The following SGK1 variants were observed in gnomAD, a reference collection of about 807,000 sequenced individuals.
SGK1 encodes serum/glucocorticoid regulated kinase 1, also known as serine/threonine-protein kinase Sgk1.
Under a neutral mutation model 64.2 loss-of-function variants are expected in SGK1, and 26 were observed. The observed-to-expected ratio is 0.40, with a 90% confidence interval of 0.30 to 0.56. The LOEUF (loss-of-function observed/expected upper bound fraction) is 0.56, where lower values mean the gene tolerates loss of function less well. Ranked by LOEUF, SGK1 falls within the 20% of genes least tolerant of loss-of-function variation. The pLI is 0.38. For missense variants in SGK1, 519 were observed against 645.6 expected (o/e 0.80, Z 2.12); for synonymous variants, 265 against 239.7 (o/e 1.11, Z -0.98).
chr6:134,312,120 A>T (rs1281336033), intron 1 of SGK1, among the ~76,000 whole-genome samples: 1 of 152,172 alleles, frequency 6.6e-6, no homozygotes, highest in African/African-American at 2.4e-5. Context: ...GAACTACCTG[A>T]ATTTGAATTC....
intron 2 of SGK1, among the ~76,000 whole-genome samples, chr6:134,220,107 AAC>A (rs1479524291): frequency 2.7e-5 from 4 of 150,276 alleles, no homozygotes; most frequent in African/African-American, 9.8e-5. Flanking sequence ...AGAAAAGAAA[AAC>A]ACATATAATT....
intron 1 of SGK1, among the ~76,000 whole-genome samples, chr6:134,303,908 G>A (rs1468146707): frequency 1.3e-5 from 2 of 152,114 alleles, no homozygotes; most frequent in African/African-American, 2.4e-5. Context: ...GCCCAATGAC[G>A]TTTTGTTTTG....
At chr6:134,294,436 T>C (rs980774641) in intron 1 of SGK1, among the ~76,000 whole-genome samples, 1 of 152,202 alleles carries the variant, frequency 6.6e-6, no homozygotes, top group African/African-American at 2.4e-5. Context: ...ACCATTCTAC[T>C]TTCTGTCTAT....
At chr6:134,246,655 T>C (rs1419502465) in intron 2 of SGK1, among the ~76,000 whole-genome samples, 6 of 151,362 alleles carry the variant, frequency 4.0e-5, no homozygotes, top group African/African-American at 1.2e-4. Context: ...TGCAGTGGTG[T>C]GATCTCGGCT....
chr6:134,269,518 C>T (rs1382708077), intron 1 of SGK1, among the ~76,000 whole-genome samples: 1 of 146,870 alleles, frequency 6.8e-6, no homozygotes, highest in African/African-American at 2.4e-5. Context: ...AATTAGCCAC[C>T]ATGGTGGCGT....
intron 2 of SGK1, among the ~76,000 whole-genome samples, chr6:134,209,034 AGTGGTT>A (rs2114687778): frequency 6.6e-6 from 1 of 152,172 alleles, no homozygotes; most frequent in South Asian, 2.1e-4. Flanking sequence ...TGTTTTCCAT[AGTGGTT>A]GTACTCAGAT....
At chr6:134,288,154 G>A (rs1201584949) in intron 1 of SGK1, among the ~76,000 whole-genome samples, 1 of 152,150 alleles carries the variant, frequency 6.6e-6, no homozygotes, top group South Asian at 2.1e-4. Context: ...ATTAAGTTTA[G>A]CCTAAGCTAA....
intron 2 of SGK1, among the ~76,000 whole-genome samples, chr6:134,213,218 A>G (rs992310846): frequency 6.6e-6 from 1 of 152,076 alleles, no homozygotes; most frequent in African/African-American, 2.4e-5. Context: ...AAGCGAGAAA[A>G]TTTATTATCA....
At chr6:134,262,585 G>A (rs752283393) in intron 1 of SGK1, among the ~76,000 whole-genome samples, 8 of 151,802 alleles carry the variant, frequency 5.3e-5, no homozygotes, top group East Asian at 3.9e-4. Context: ...GGTGGTACAC[G>A]CCTATAATCT....
intron 2 of SGK1, among the ~76,000 whole-genome samples, chr6:134,243,775 T>C (rs1776484311): frequency 6.6e-6 from 1 of 152,212 alleles, no homozygotes; most frequent in Non-Finnish European, 1.5e-5. Flanking sequence ...CTGCCTGACT[T>C]ATTCCCAGGA....
chr6:134,172,238 G>A lies in SGK1; in HGVS notation c.1026C>T (p.Asn342=), dbSNP rs778834609. 9 of 1,614,196 alleles carry A rather than the reference G, an allele frequency of 5.6e-6. No homozygotes were observed. The highest frequency in any genetic ancestry group is 7.6e-6 in the Non-Finnish European group (9 of 1,180,010). ...VLTDFGLCKE[N]IEHNSTTSTF... is the part of the protein sequence containing the mutation. ...TGGATGTTGTGCTGTTGTGTTCAAT[G>A]TTCTCCTTGCAGAGTCCGAAGTCAG... is the stretch of plus-strand genomic sequence containing the variant. Residue 342 remains asparagine, a synonymous_variant, in exon 10 of 14, where the codon AAC becomes AAT. Coordinates refer to ENST00000367858, the MANE Select transcript of SGK1 (RefSeq NM_001143676.3).
intron 3 of SGK1, among the ~76,000 whole-genome samples, chr6:134,200,835 C>T (rs1775668513): frequency 6.6e-6 from 1 of 151,990 alleles, no homozygotes; most frequent in Non-Finnish European, 1.5e-5. Context: ...GCCCAGTAGG[C>T]TGAGGCTACA....
chr6:134,190,003 C>T (rs953758759), intron 3 of SGK1, among the ~76,000 whole-genome samples: 2 of 152,106 alleles, frequency 1.3e-5, no homozygotes, highest in African/African-American at 4.8e-5. Flanking sequence ...GCACGCGCCA[C>T]CATGCCCGGC....
intron 3 of SGK1, among the ~76,000 whole-genome samples, chr6:134,193,017 A>G (rs1775539438): frequency 6.6e-6 from 1 of 152,216 alleles, no homozygotes. Context: ...TTCAGATGTT[A>G]AAAATTGTGT....
Position 134,197,445 on chromosome 6 carries a change from C to G in SGK1, c.361+9911G>C, listed in dbSNP as rs565213880. Among the ~76,000 whole-genome samples the G allele has an allele frequency of 5.3e-5, 8 of 152,036 alleles. No homozygotes were observed. In the East Asian group the frequency reaches 1.5e-3, roughly 29 times the overall value. ...ATTTGATGGCATAAAAAGTTATGAC[C>G]AGCCATCTGTAGTTCAGTTAATAGG... On this transcript the variant is annotated intron_variant, in intron 3 of 13. Coordinates refer to ENST00000367858, the MANE Select transcript of SGK1 (RefSeq NM_001143676.3).
Position 134,171,046 on chromosome 6 carries a change from G to A in SGK1, c.1300C>T (p.Arg434Trp), listed in dbSNP as rs770948952. 2 of 1,613,980 alleles carry A rather than the reference G, an allele frequency of 1.2e-6. No individual in the cohort carries two copies. The highest frequency in any genetic ancestry group is 1.1e-5 in the South Asian group (1 of 91,086). Residue 434 changes from arginine to tryptophan, a missense_variant, in exon 12 of 14, where the codon CGG (arginine) becomes TGG (tryptophan). By Grantham distance (101) the Arg-to-Trp change is moderately radical. Coordinates refer to ENST00000367858, the MANE Select transcript of SGK1 (RefSeq NM_001143676.3). ...ACGAAGTCATCCTTGGCCCCGAGCC[G>A]CTTTGTCCTGTCCTTCTGCAGGAGG... ...EGLLQKDRTK[R>W]LGAKDDFMEI...
chr6:134,295,563 G>A (rs144017560), intron 1 of SGK1, among the ~76,000 whole-genome samples: 1,778 of 152,320 alleles, frequency 0.012, 34 homozygotes, highest in African/African-American at 0.041. Context: ...AATTAGCTGG[G>A]CATGGTGGTG....
chr6:134,224,571 T>A (rs1464522547), intron 2 of SGK1, among the ~76,000 whole-genome samples: 1 of 152,216 alleles, frequency 6.6e-6, no homozygotes, highest in Non-Finnish European at 1.5e-5. Flanking sequence ...GGGCATCATA[T>A]GCAGCTTTAT....
intron 2 of SGK1, among the ~76,000 whole-genome samples, chr6:134,256,088 C>CTTTTTTTTTTTTTTTTTTT (rs68106923): frequency 7.2e-6 from 1 of 139,242 alleles, no homozygotes; most frequent in African/African-American, 2.6e-5. Context: ...GTCCTTTTTC[C>CTTTTTTTTTTTTTTTTTTT]TTTTTTTTTT....
Sources: allele counts gnomAD v4.1 joint callset (sites outside exome capture counted in the v4.1 genomes callset), GRCh38; gene constraint gnomAD v4.1.1; transcripts MANE v1.5; gene names NCBI Gene and HGNC (gene_info 2026-07-23, HGNC 2026-07-21).